Variants in PPP6R2 observed in about 807,000 individuals in gnomAD.
PPP6R2 encodes protein phosphatase 6 regulatory subunit 2.
PPP6R2 carries 62 observed loss-of-function variants against 100.2 expected under a neutral mutation model. The ratio of observed to expected loss-of-function variants is 0.62; its 90% confidence interval spans 0.50 to 0.76. The LOEUF is 0.76. PPP6R2 is among the 30% of genes least tolerant of loss of function. The pLI, the probability that PPP6R2 is intolerant of heterozygous loss-of-function variation, is 0.00. For synonymous variants in PPP6R2, 525 were observed against 514.7 expected (o/e 1.02, Z -0.27); for missense variants, 1,142 against 1,276.3 (o/e 0.89, Z 1.60).
chr22:50,379,287 G>A (rs1373265996), intron 2 of PPP6R2, among the ~76,000 whole-genome samples: 1 of 152,078 alleles, frequency 6.6e-6, no homozygotes, highest in Non-Finnish European at 1.5e-5. Context: ...CTTGAGTCCA[G>A]AAGCTTGAGA....
chr22:50,359,090 C>G (rs2047240667), intron 1 of PPP6R2, among the ~76,000 whole-genome samples: 1 of 150,238 alleles, frequency 6.7e-6, no homozygotes, highest in Non-Finnish European at 1.5e-5. Flanking sequence ...ACCTCCACCT[C>G]CTGGGTTTGA....
At position 50,443,455 on chromosome 22, in the gene PPP6R2, C is replaced by A. The variant is rs2066303367; in HGVS notation, c.2580-411C>A. On this transcript the variant is annotated intron_variant, in intron 22 of 23. Coordinates refer to ENST00000612753, the MANE Select transcript of PPP6R2 (RefSeq NM_001242898.2). ...GCTGGGCCTTGGGGTGCCCGACCCC[C>A]TCCAGAGCAAGCCCCTTAGATGCCC... 5 of 172,316 alleles carry A rather than the reference C, an allele frequency of 2.9e-5. No individual in the cohort carries two copies. The South Asian group carries it at 8.3e-4, about 29-fold the overall frequency. The allele number at this position is 172,316 out of a possible 1,614,324, so 10.7% of individuals were successfully genotyped here. A position where few individuals can be genotyped will look rare whatever the true frequency, so the allele number is the denominator to read the frequency against.
rs548394433 is a variant in PPP6R2, at chr22:50,441,410, G to A, written c.2579+384G>A. Reference sequence around the variant, plus strand: ...TTGGGGCTCTGGGCCTGGCTGAGCCGCCTGGGATCTGGGTACCCTGGTGGT... The same window carrying A: ...TTGGGGCTCTGGGCCTGGCTGAGCCACCTGGGATCTGGGTACCCTGGTGGT... On this transcript the variant is annotated intron_variant, in intron 22 of 23. Transcript: ENST00000612753. Among the ~76,000 whole-genome samples, 265 of 152,296 alleles carry A rather than the reference G, an allele frequency of 1.7e-3. 3 individuals carry two copies. The highest frequency in any genetic ancestry group is 6.1e-3 in the African/African-American group (255 of 41,556).
intron 1 of PPP6R2, among the ~76,000 whole-genome samples, chr22:50,355,154 T>C (rs1248967756): frequency 2.0e-5 from 3 of 151,960 alleles, no homozygotes; most frequent in Non-Finnish European, 4.4e-5. Context: ...AGGATTTCAA[T>C]TTCACGATTT....
intron 13 of PPP6R2, among the ~76,000 whole-genome samples, chr22:50,435,657 CACCCCAGGACCATAGTGAGGGG>C (rs1398868133): frequency 6.6e-6 from 1 of 152,194 alleles, no homozygotes; most frequent in African/African-American, 2.4e-5. Context: ...GTCCTCCCCG[CACCCCAGGACCATAGTGAGGGG>C]ACTCCTGGGT....
intron 1 of PPP6R2, among the ~76,000 whole-genome samples, chr22:50,359,711 A>G (rs2047403063): frequency 6.6e-6 from 1 of 151,938 alleles, no homozygotes; most frequent in Non-Finnish European, 1.5e-5. Context: ...TCCTTTTTAT[A>G]TGTGGTTGGA....
rs549808731 is a variant in PPP6R2, at chr22:50,384,030, C to G, written c.-16-9863C>G. Among the ~76,000 whole-genome samples, 9 of 121,906 alleles carry G rather than the reference C, an allele frequency of 7.4e-5. No individual in the cohort carries two copies. The South Asian group carries it at 3.0e-3, about 41-fold the overall frequency. 80.0% of individuals were successfully genotyped at this position (121,906 alleles called of 152,430 possible). ...CAGCCTGGGCGGCTGAGCGAGACTCCATCTCAAAAAAAAAAAAAAAAAAAG... is the reference window on the plus strand; with the variant it reads ...CAGCCTGGGCGGCTGAGCGAGACTCGATCTCAAAAAAAAAAAAAAAAAAAG... On this transcript the variant is annotated intron_variant, in intron 2 of 23. Coordinates refer to ENST00000612753, the MANE Select transcript of PPP6R2 (RefSeq NM_001242898.2).
rs1172970805 is a variant in PPP6R2 at position 50,397,883 on chromosome 22, T to C, written c.227+3748T>C. ...CATCTCTGAGCTTTTCTCTGAGGAG[T>C]GTGACTTGGGATGGGGGCGGGGGGG... On this transcript the variant is annotated intron_variant, in intron 3 of 23. Transcript: ENST00000612753. Among the ~76,000 whole-genome samples the C allele has an allele frequency of 6.3e-5, 7 of 111,030 alleles. No homozygotes were observed. The South Asian group carries it at 9.5e-4, about 15-fold the overall frequency. The allele number at this position is 111,030 out of a possible 152,430, so 72.8% of individuals were successfully genotyped here. A position where few individuals can be genotyped will look rare whatever the true frequency, so the allele number is the denominator to read the frequency against.
chr22:50,419,945 C>T (rs528912072), intron 8 of PPP6R2, among the ~76,000 whole-genome samples: 147 of 152,378 alleles, frequency 9.6e-4, no homozygotes, highest in African/African-American at 3.4e-3. Flanking sequence ...GCCTGCTGAG[C>T]GTCGTGCTGA....
At chr22:50,427,731 TG>T (rs1872513148) in intron 10 of PPP6R2, among the ~76,000 whole-genome samples, 2 of 141,548 alleles carry the variant, frequency 1.4e-5, no homozygotes, top group South Asian at 4.5e-4. Flanking sequence ...TGTTTTGTTT[TG>T]TTTTTTTTGA....
At chr22:50,388,730 G>A (rs2054787069) in intron 2 of PPP6R2, among the ~76,000 whole-genome samples, 1 of 152,060 alleles carries the variant, frequency 6.6e-6, no homozygotes, top group South Asian at 2.1e-4. Flanking sequence ...AAGTTAGCTG[G>A]GTATGGTGGC....
chr22:50,435,636 A>C (rs2075795164), intron 13 of PPP6R2, among the ~76,000 whole-genome samples: 1 of 152,176 alleles, frequency 6.6e-6, no homozygotes, highest in African/African-American at 2.4e-5. Flanking sequence ...AAGGTGAGGA[A>C]GCTCTGGATA....
chr22:50,414,331 G>GCGGGGGGC, intron 4 of PPP6R2, among the ~76,000 whole-genome samples: 1 of 26,800 alleles, frequency 3.7e-5, no homozygotes, highest in African/African-American at 8.4e-5. Flanking sequence ...CTGTGCAGTG[G>GCGGGGGGC]CCCCCCCCCC....
At chr22:50,382,560 A>G (rs551909225) in intron 2 of PPP6R2, among the ~76,000 whole-genome samples, 2 of 152,220 alleles carry the variant, frequency 1.3e-5, no homozygotes, top group South Asian at 2.1e-4. Flanking sequence ...ATTACAGTGT[A>G]CCACCAACAA....
At chr22:50,406,955 G>A in intron 4 of PPP6R2, 80 bp downstream of exon 4, 4 of 1,411,702 alleles carry the variant, frequency 2.8e-6, no homozygotes, top group Non-Finnish European at 4.0e-6. Context: ...GCCTGGCGGT[G>A]CGACTCATCC....
intron 1 of PPP6R2, among the ~76,000 whole-genome samples, chr22:50,350,815 A>C (rs2148060637): frequency 6.7e-6 from 1 of 148,990 alleles, no homozygotes; most frequent in Admixed American, 6.7e-5. Flanking sequence ...ACTGCACTCC[A>C]GCCTGGGCGA....
At position 50,415,018 on chromosome 22, in the gene PPP6R2, AG is replaced by A. The variant is rs1311618753; in HGVS notation, c.552+331del. On this transcript the variant is annotated intron_variant, in intron 5 of 23. Transcript: ENST00000612753. ...GCCCACCCCTGTGGCTTAGAGCAGG[AG>A]GTCAGTGAGGTGCTAGCCCTGCGTC... 3.3e-5 allele frequency among the ~76,000 whole-genome samples: 5 copies of A among 152,300 alleles called. No individual in the cohort carries two copies. The East Asian group carries it at 9.6e-4, about 29-fold the overall frequency.
intron 1 of PPP6R2, among the ~76,000 whole-genome samples, chr22:50,354,792 T>A (rs1441951364): frequency 3.3e-5 from 5 of 151,910 alleles, no homozygotes; most frequent in Admixed American, 1.3e-4. Context: ...AGTGAGACTC[T>A]CTCTCGTACA....
At chr22:50,380,612 GC>G (rs1227720553) in intron 2 of PPP6R2, among the ~76,000 whole-genome samples, 1 of 151,274 alleles carries the variant, frequency 6.6e-6, no homozygotes, top group African/African-American at 2.4e-5. Context: ...AACCACTTTT[GC>G]CTCCCAAAGT....
Sources: allele counts gnomAD v4.1 joint callset (sites outside exome capture counted in the v4.1 genomes callset), GRCh38; gene constraint gnomAD v4.1.1; transcripts MANE v1.5; gene names NCBI Gene and HGNC (gene_info 2026-07-23, HGNC 2026-07-21).